Variants in ABCD2 observed in about 807,000 individuals in gnomAD.
ABCD2 encodes the protein ATP-binding cassette sub-family D member 2.
In ABCD2, 36 loss-of-function variants were observed where a neutral mutation model predicts 70.9. That is an observed-to-expected ratio of 0.51 (90% CI 0.39 to 0.67). The LOEUF (loss-of-function observed/expected upper bound fraction) is 0.67. ABCD2 is among the 30% of genes least tolerant of loss of function. ABCD2 has a pLI of 0.00. For synonymous variants in ABCD2, 304 were observed against 306.9 expected, an observed-to-expected ratio of 0.99 and a Z score of 0.10; for missense variants, 729 against 890.2, an observed-to-expected ratio of 0.82 and a Z score of 2.30.
At chr12:39,597,110 A>G (rs1397234416) in intron 6 of ABCD2, among the ~76,000 whole-genome samples, 2 of 152,176 alleles carry the variant, frequency 1.3e-5, no homozygotes, top group African/African-American at 2.4e-5. Flanking sequence ...GATGTATGCA[A>G]ATGATCTTCT....
intron 2 of ABCD2, among the ~76,000 whole-genome samples, chr12:39,612,289 C>T (rs1209884636): frequency 6.6e-6 from 1 of 152,080 alleles, no homozygotes; most frequent in Non-Finnish European, 1.5e-5. Flanking sequence ...TTCTTAACAG[C>T]GCTATTACTA....
downstream of ABCD2, chr12:39,549,889 T>G (rs1450289266): frequency 2.0e-5 from 3 of 151,880 alleles, no homozygotes; most frequent in Admixed American, 6.6e-5. Context: ...ATTAGCATTT[T>G]GTTTATACCC....
Position 39,550,913 on chromosome 12 carries a change from T to A in ABCD2, c.*2999A>T, listed in dbSNP as rs1941079080. On this transcript the variant is annotated 3_prime_UTR_variant, in exon 10 of 10. Coordinates refer to ENST00000308666, the MANE Select transcript of ABCD2 (RefSeq NM_005164.4). ...CTATTCCAAACATATTAGAATAAGA[T>A]GAATCTATTGCCAAATATGAAACTA... 1 of 151,734 alleles carries A rather than the reference T, an allele frequency of 6.6e-6. No homozygotes were observed. The highest frequency in any genetic ancestry group is 2.4e-5 in the African/African-American group (1 of 41,432). 9.4% of individuals were successfully genotyped at this position (151,734 alleles called of 1,614,324 possible).
intron 9 of ABCD2, among the ~76,000 whole-genome samples, chr12:39,562,972 C>T (rs920601348): frequency 6.6e-6 from 1 of 152,042 alleles, no homozygotes; most frequent in Non-Finnish European, 1.5e-5. Context: ...ACCATGATCA[C>T]GTGGAATTCA....
chr12:39,555,784 A>ACT (rs1475188070), intron 9 of ABCD2, among the ~76,000 whole-genome samples: 1 of 152,090 alleles, frequency 6.6e-6, no homozygotes, highest in Non-Finnish European at 1.5e-5. Context: ...AGACAAACTC[A>ACT]ATTTCTGGTC....
At chr12:39,600,089 T>C (rs565238084) in intron 6 of ABCD2, among the ~76,000 whole-genome samples, 17 of 152,272 alleles carry the variant, frequency 1.1e-4, no homozygotes, top group South Asian at 1.0e-3. Flanking sequence ...AGTAAAAAAA[T>C]TTACTTAAGA....
rs905422974 is a variant in ABCD2, at chr12:39,602,000, G to T, written c.1501-1284C>A. Reference sequence around the variant, plus strand: ...CATTCTCAGAAATTTAACACATTTTGAGGGGTAATTGGAGACTTTCTACAT... The same window carrying T: ...CATTCTCAGAAATTTAACACATTTTTAGGGGTAATTGGAGACTTTCTACAT... On this transcript the variant is annotated intron_variant, in intron 5 of 9. Transcript: ENST00000308666. Among the ~76,000 whole-genome samples, 8 of 151,988 alleles carry T rather than the reference G, an allele frequency of 5.3e-5. No homozygotes were observed. The South Asian group carries it at 1.7e-3, about 32-fold the overall frequency.
intron 9 of ABCD2, among the ~76,000 whole-genome samples, chr12:39,565,368 G>T (rs1339042303): frequency 5.3e-5 from 8 of 152,134 alleles, no homozygotes; most frequent in Non-Finnish European, 1.0e-4. Context: ...TGGATTCCTA[G>T]GTATTTTGTT....
chr12:39,600,062 A>G (rs1341759533), intron 6 of ABCD2, among the ~76,000 whole-genome samples: 5 of 152,172 alleles, frequency 3.3e-5, no homozygotes, highest in Non-Finnish European at 7.4e-5. Flanking sequence ...CTATGTTTAC[A>G]TGATACTCAT....
chr12:39,575,459 G>T (rs752983029), intron 8 of ABCD2, among the ~76,000 whole-genome samples: 1 of 152,124 alleles, frequency 6.6e-6, no homozygotes, highest in African/African-American at 2.4e-5. Context: ...TCTCAGATTT[G>T]CTTTCCTTTT....
chr12:39,586,240 A>G lies in ABCD2; in HGVS notation c.1704T>C (p.Asp568=). The change falls in exon 7 of 10, where the codon GAT becomes GAC. Residue 568 remains aspartate, a synonymous_variant. Coordinates refer to ENST00000308666, the MANE Select transcript of ABCD2 (RefSeq NM_005164.4). ...CTGTATAACCTTTATCATGCATATC[A>G]TCCACTGAATCAGGGTAAATGACTT... ...RDQVIYPDSV[D]DMHDKGYTDQ... is the part of the protein sequence containing the mutation. 1 of 1,613,634 alleles carries G rather than the reference A, an allele frequency of 6.2e-7. No homozygotes were observed. Among genetic ancestry groups the G allele is most frequent in the Non-Finnish European group, 8.5e-7 (1 of 1,179,698 alleles).
chr12:39,581,418 T>G (rs980833054), intron 7 of ABCD2, among the ~76,000 whole-genome samples: 1 of 152,150 alleles, frequency 6.6e-6, no homozygotes, highest in African/African-American at 2.4e-5. Context: ...TTGGGTAAAC[T>G]TCCAGAAATT....
At chr12:39,586,635 T>G (rs1217821702) in intron 6 of ABCD2, among the ~76,000 whole-genome samples, 1 of 152,144 alleles carries the variant, frequency 6.6e-6, no homozygotes, top group African/African-American at 2.4e-5. Flanking sequence ...CCTCAAGTGA[T>G]TCCTCCTAAC....
At chr12:39,582,188 A>G (rs1217706682) in intron 7 of ABCD2, among the ~76,000 whole-genome samples, 1 of 152,156 alleles carries the variant, frequency 6.6e-6, no homozygotes, top group Non-Finnish European at 1.5e-5. Context: ...AGGATATAAT[A>G]GTTTTTATTA....
chr12:39,589,386 T>G (rs1941711722), intron 6 of ABCD2, among the ~76,000 whole-genome samples: 1 of 101,928 alleles, frequency 9.8e-6, no homozygotes, highest in African/African-American at 4.3e-5. Flanking sequence ...TGGTCTGGGT[T>G]TTTTTTTTTT....
At chr12:39,586,080 G>C (rs1941661629) in intron 7 of ABCD2, 72 bp downstream of exon 7, 1 of 1,388,140 alleles carries the variant, frequency 7.2e-7, no homozygotes, top group Non-Finnish European at 9.8e-7. Flanking sequence ...TTAAACCACA[G>C]ACTAAATATA....
rs201472113 is a variant in ABCD2 at position 39,566,382 on chromosome 12, A to T, written c.2003+7334T>A. ...GGAGGTTGTTTGTGTCGAGGAATTT[A>T]TCCATTTCTTCTAGATTTTCTAGTT... On this transcript the variant is annotated intron_variant, in intron 9 of 9. Transcript: ENST00000308666. 3.3e-5 allele frequency among the ~76,000 whole-genome samples: 5 copies of T among 152,152 alleles called. No individual in the cohort carries two copies. The East Asian group carries it at 9.6e-4, about 29-fold the overall frequency.
At chr12:39,534,731 A>AAAGAAG in the ABCD2 span, among the ~76,000 whole-genome samples, 1 of 72,024 alleles carries the variant, frequency 1.4e-5, no homozygotes, top group Non-Finnish European at 2.9e-5. Flanking sequence ...AGGAAGGAAA[A>AAAGAAG]GAAGGAAGGA....
Position 39,617,129 on chromosome 12 carries a change from CT to C in ABCD2, c.978del (p.Ala327GlnfsTer4). On this transcript the variant is annotated frameshift_variant, in exon 2 of 10. Transcript: ENST00000308666. LOFTEE classifies it high-confidence loss of function. Reference protein sequence around the residue: ...MKQLQKSYKALADQMNLILSK... With the variant: ...MKQLQKSYKAXADQMNLILSK... ...GATAAAATGAGGTTCATCTGATCTG[CT>C]AAAGCTTTGTAACTTTTCTGAAGTT... 3 of 1,604,414 alleles carry C rather than the reference CT, an allele frequency of 1.9e-6. No individual in the cohort carries two copies. Among genetic ancestry groups the C allele is most frequent in the Non-Finnish European group, 2.6e-6 (3 of 1,176,188 alleles).
Sources: gnomAD v4.1 joint callset for allele counts (sites outside exome capture counted in the v4.1 genomes callset) on GRCh38, gnomAD v4.1.1 for gene constraint, MANE v1.5 for transcripts, NCBI Gene and HGNC (gene_info 2026-07-23, HGNC 2026-07-21) for gene names.